The following SIDT1 variants were observed in gnomAD, a reference collection of about 807,000 sequenced individuals.
The protein encoded by SIDT1 is SID1 transmembrane family member 1, also known as SID1 transmembrane family, member 1.
SIDT1 carries 101 observed loss-of-function variants against 107.5 expected under a neutral mutation model. The ratio of observed to expected loss-of-function variants is 0.94; its 90% confidence interval spans 0.80 to 1.11. SIDT1 has a LOEUF of 1.11. Ranked by LOEUF, SIDT1 falls within the 50% of genes least tolerant of loss-of-function variation. The probability of loss-of-function intolerance (pLI) is 0.00; values close to 1 mark genes in which losing one functional copy is unlikely to be tolerated. For synonymous variants in SIDT1, 395 were observed against 398.2 expected (o/e 0.99, Z 0.10); for missense variants, 1,076 against 1,058.2 (o/e 1.02, Z -0.23).
At chr3:113,612,419 G>C (rs1211941694) in intron 19 of SIDT1, 2 of 596,362 alleles carry the variant, frequency 3.4e-6, no homozygotes, top group Non-Finnish European at 6.3e-6. Flanking sequence ...AGAAACTAAG[G>C]TTTGCCACAC....
At chr3:113,589,560 C>A (rs1943992559) in intron 9 of SIDT1, among the ~76,000 whole-genome samples, 1 of 117,090 alleles carries the variant, frequency 8.5e-6, no homozygotes, top group Non-Finnish European at 1.7e-5. Flanking sequence ...TTGAGACAGT[C>A]TCTCGCCCTG....
chr3:113,607,216 C>T (rs535477262), intron 15 of SIDT1, 102 bp downstream of exon 15: 18 of 744,506 alleles, frequency 2.4e-5, no homozygotes, highest in Middle Eastern at 2.6e-4. Flanking sequence ...CTGTGGAAAA[C>T]GACCCTATTC....
chr3:113,563,167 A>G (rs1941585243), intron 1 of SIDT1, among the ~76,000 whole-genome samples: 1 of 152,214 alleles, frequency 6.6e-6, no homozygotes, highest in South Asian at 2.1e-4. Flanking sequence ...AAGAAACTAG[A>G]GACGAAGGCA....
chr3:113,549,654 CAG>C (rs1324610934), intron 1 of SIDT1, among the ~76,000 whole-genome samples: 1 of 152,130 alleles, frequency 6.6e-6, no homozygotes, highest in Middle Eastern at 3.2e-3. Context: ...AGTCCTTTAT[CAG>C]ATAAATATTT....
chr3:113,601,365 G>A (rs925200514), intron 10 of SIDT1: 4 of 390,804 alleles, frequency 1.0e-5, no homozygotes, highest in African/African-American at 8.3e-5. Flanking sequence ...TTTTTCCCCA[G>A]TCATTTAAAG....
intron 19 of SIDT1, among the ~76,000 whole-genome samples, chr3:113,613,525 G>T (rs929995336): frequency 2.0e-5 from 3 of 152,214 alleles, no homozygotes; most frequent in Non-Finnish European, 4.4e-5. Flanking sequence ...TAATTCTTTT[G>T]CCATGGTCAG....
chr3:113,605,218 A>C (rs1291755316), intron 14 of SIDT1, among the ~76,000 whole-genome samples: 3 of 142,094 alleles, frequency 2.1e-5, no homozygotes, highest in Non-Finnish European at 3.0e-5. Context: ...TGCCTCCTGG[A>C]TTAAAGCAAT....
Position 113,623,344 on chromosome 3 carries a change from C to T in SIDT1, c.2091-83C>T, listed in dbSNP as rs557805624. 3.1e-4 allele frequency: 257 copies of T among 830,328 alleles called. 1 individual carries two copies. The highest frequency in any genetic ancestry group is 2.8e-3 in the Middle Eastern group (9 of 3,252). The allele number at this position is 830,328 out of a possible 1,614,324, so 51.4% of individuals were successfully genotyped here. On this transcript the variant is annotated intron_variant, in intron 21 of 24. Coordinates refer to ENST00000264852, the MANE Select transcript of SIDT1 (RefSeq NM_017699.3). The stretch of plus-strand genomic sequence containing the variant: ...AAAAAAAAAGAACCTGCCCCTTCCC[C>T]CTCAAGGGACTGGGGGATTGGAAAA...
At chr3:113,576,140 T>C (rs1286571459) in intron 3 of SIDT1, among the ~76,000 whole-genome samples, 1 of 152,240 alleles carries the variant, frequency 6.6e-6, no homozygotes, top group Non-Finnish European at 1.5e-5. Flanking sequence ...CCCTCTATAC[T>C]ACCAATTTAT....
chr3:113,581,233 T>C (rs1943311481), intron 5 of SIDT1, 128 bp from the exon 6 acceptor site: 2 of 733,202 alleles, frequency 2.7e-6, no homozygotes, highest in Non-Finnish European at 4.7e-6. Flanking sequence ...GGAAATTGCC[T>C]AGTTTCTGGT....
At position 113,559,534 on chromosome 3, in the gene SIDT1, T is replaced by C. The variant is rs535731219; in HGVS notation, c.223-6886T>C. Among the ~76,000 whole-genome samples, 6 of 152,240 alleles carry C rather than the reference T, an allele frequency of 3.9e-5. No individual in the cohort carries two copies. The East Asian group carries it at 1.2e-3, about 29-fold the overall frequency. On this transcript the variant is annotated intron_variant, in intron 1 of 24. Coordinates refer to ENST00000264852, the MANE Select transcript of SIDT1 (RefSeq NM_017699.3). ...TGGGCTCACTGCAACCTCTGCATCC[T>C]GGGCTCAAACAATGCTCCTGCCTCA...
rs1946616488 is a variant in SIDT1, at chr3:113,623,457, G to A, written c.2121G>A (p.Arg707=). ...TCTTTGGATTGATATACCGCCCCAG[G>A]GACTTTGCTTCCTACATGCTGGGCA... ...FALFGLIYRP[R]DFASYMLGIF... The change falls in exon 22 of 25, where the codon AGG becomes AGA. Residue 707 remains arginine (R), a synonymous_variant. Transcript: ENST00000264852. 6.2e-7 allele frequency: 1 copy of A among 1,614,020 alleles called. No individual in the cohort carries two copies. The highest frequency in any genetic ancestry group is 8.5e-7 in the Non-Finnish European group (1 of 1,179,914).
At chr3:113,542,216 C>T (rs964217355) in intron 1 of SIDT1, among the ~76,000 whole-genome samples, 1 of 152,156 alleles carries the variant, frequency 6.6e-6, no homozygotes. Flanking sequence ...AGCCACCACA[C>T]TTGGCATTAG....
At chr3:113,583,633 A>G in intron 7 of SIDT1, 137 bp downstream of exon 7, 1 of 526,050 alleles carries the variant, frequency 1.9e-6, no homozygotes. Flanking sequence ...CATCTGAGAG[A>G]TACTTGAGAA....
Position 113,626,232 on chromosome 3 carries a change from CT to C in SIDT1, c.2421+22del, listed in dbSNP as rs756850626. ...TCATTCTTGGTGAGTTCATATCTAT[CT>C]TTTTGTGACTTTCTTCTCTCTTTAC... On this transcript the variant is annotated intron_variant, in intron 24 of 24. Coordinates refer to ENST00000264852, the MANE Select transcript of SIDT1 (RefSeq NM_017699.3). The C allele has an allele frequency of 2.6e-6, 4 of 1,509,544 alleles. No individual in the cohort carries two copies. The East Asian group carries it at 9.0e-5, about 34-fold the overall frequency. 93.5% of individuals were successfully genotyped at this position (1,509,544 alleles called of 1,614,324 possible). A position where few individuals can be genotyped will look rare whatever the true frequency, so the allele number is the denominator to read the frequency against.
intron 4 of SIDT1, among the ~76,000 whole-genome samples, chr3:113,578,884 A>C (rs867554036): frequency 1.2e-4 from 19 of 152,348 alleles, no homozygotes; most frequent in South Asian, 1.0e-3. Flanking sequence ...ATTTGTATTT[A>C]AACCCCAAAA....
Position 113,583,427 on chromosome 3 carries a change from G to C in SIDT1, c.766G>C (p.Glu256Gln), listed in dbSNP as rs749283824. Residue 256 changes from glutamate (E) to glutamine (Q), a missense_variant, in exon 7 of 25, where the codon GAG becomes CAG. Transcript: ENST00000264852. ...ITLQKKDFPG[E>Q]QFFVVFVIKP... ...TATGCAGAAGAAGGATTTTCCAGGC[G>C]AGCAGTTCTTCGTGGTATTTGTGAT... The C allele has an allele frequency of 6.3e-7, 1 of 1,597,794 alleles. No homozygotes were observed. Among genetic ancestry groups the C allele is most frequent in the Non-Finnish European group, 8.6e-7 (1 of 1,168,766 alleles).
At position 113,579,276 on chromosome 3, in the gene SIDT1, A is replaced by G. The variant is rs188438513; in HGVS notation, c.562-1332A>G. ...ATTTGGGGTTTATGGTAATTTGCAG[A>G]TAAAGTTGTTAATACTTTCAGTGGG... On this transcript the variant is annotated intron_variant, in intron 4 of 24. Transcript: ENST00000264852. Among the ~76,000 whole-genome samples, 16 of 152,334 alleles carry G rather than the reference A, an allele frequency of 1.1e-4. No individual in the cohort carries two copies. The East Asian group carries it at 2.9e-3, about 27-fold the overall frequency.
Position 113,532,752 on chromosome 3 carries a change from G to A in SIDT1, c.-270G>A. On this transcript the variant is annotated 5_prime_UTR_variant, in exon 1 of 25. Coordinates refer to ENST00000264852, the MANE Select transcript of SIDT1 (RefSeq NM_017699.3). ...ATGAGAAACGGGGGACTTAGAAGCC[G>A]GAGGAAAATCAGCAGCCCCACATCT... The A allele has an allele frequency of 1.4e-5, 5 of 362,288 alleles. No individual in the cohort carries two copies. The highest frequency in any genetic ancestry group is 1.5e-5 in the Non-Finnish European group (3 of 203,256). 22.4% of individuals were successfully genotyped at this position (362,288 alleles called of 1,614,324 possible). A position where few individuals can be genotyped will look rare whatever the true frequency, so the allele number is the denominator to read the frequency against.
Sources: gnomAD v4.1 joint callset for allele counts (sites outside exome capture counted in the v4.1 genomes callset) on GRCh38, gnomAD v4.1.1 for gene constraint, MANE v1.5 for transcripts, NCBI Gene and HGNC (gene_info 2026-07-23, HGNC 2026-07-21) for gene names.